CD58: variants seen among roughly 807,000 people sequenced by gnomAD.
CD58 encodes lymphocyte function-associated antigen 3.
In CD58, 14 loss-of-function variants were observed where a neutral mutation model predicts 27.6. That is an observed-to-expected ratio of 0.51 (90% CI 0.34 to 0.79). CD58 has a LOEUF of 0.79. Ranked by LOEUF, CD58 falls within the 30% of genes least tolerant of loss-of-function variation. CD58 has a pLI of 0.02. For missense variants in CD58, 268 were observed against 301.7 expected, an observed-to-expected ratio of 0.89 and a Z score of 0.83; for synonymous variants, 117 against 103.8, an observed-to-expected ratio of 1.13 and a Z score of -0.77.
At chr1:116,560,337 T>C (rs894185258) in intron 1 of CD58, among the ~76,000 whole-genome samples, 6 of 152,184 alleles carry the variant, frequency 3.9e-5, no homozygotes, top group African/African-American at 1.4e-4. Context: ...ATAAGGTTCT[T>C]ACTAGATCGG....
At position 116,518,849 on chromosome 1, in the gene CD58, T is replaced by C. The variant is rs947333520; in HGVS notation, c.743+382A>G. 13 of 1,065,546 alleles carry C rather than the reference T, an allele frequency of 1.2e-5. No homozygotes were observed. The African/African-American group carries it at 1.3e-4, about 11-fold the overall frequency. The allele number at this position is 1,065,546 out of a possible 1,614,324, so 66.0% of individuals were successfully genotyped here. A position where few individuals can be genotyped will look rare whatever the true frequency, so the allele number is the denominator to read the frequency against. On this transcript the variant is annotated intron_variant, in intron 5 of 5. Coordinates refer to ENST00000369489, the MANE Select transcript of CD58 (RefSeq NM_001779.3). Reference sequence around the variant, plus strand: ...TGGGATGGGAGGTGGAGGGAGTGTATTGTAGTGGTTAACAGTATAACTCTT... The same window carrying C: ...TGGGATGGGAGGTGGAGGGAGTGTACTGTAGTGGTTAACAGTATAACTCTT...
At chr1:116,533,596 G>A (rs1321504455) in intron 3 of CD58, 2 of 707,442 alleles carry the variant, frequency 2.8e-6, no homozygotes, top group Non-Finnish European at 5.4e-6. Flanking sequence ...TCTAAAGATG[G>A]TAAACCAGAA....
intron 1 of CD58, among the ~76,000 whole-genome samples, chr1:116,568,907 C>T (rs1659033181): frequency 6.6e-6 from 1 of 152,266 alleles, no homozygotes; most frequent in African/African-American, 2.4e-5. Flanking sequence ...CCTAATGAGG[C>T]AGGCTTGGGT....
chr1:116,544,449 A>G lies in CD58; in HGVS notation c.226T>C (p.Ser76Pro). The change falls in exon 2 of 6, where the codon TCT (serine) becomes CCT (proline). Residue 76 changes from serine to proline, a missense_variant. By Grantham distance (74) the Ser-to-Pro change is moderately conservative. Transcript: ENST00000369489. ...TCTAAATAAACCCTATTTTTAAAAG[A>G]TGAGAAAGCTCTGAATTCAGAATTT... ...LENSEFRAFS[S>P]FKNRVYLDTV... 1 of 1,614,136 alleles carries G rather than the reference A, an allele frequency of 6.2e-7. No homozygotes were observed. Among genetic ancestry groups the G allele is most frequent in the Non-Finnish European group, 8.5e-7 (1 of 1,180,002 alleles).
At chr1:116,533,123 A>G (rs1431178474) in intron 3 of CD58, 5 of 751,728 alleles carry the variant, frequency 6.7e-6, no homozygotes, top group Non-Finnish European at 1.2e-5. Flanking sequence ...GCTCACGGAA[A>G]AAGTGTCCAA....
At chr1:116,565,663 G>C (rs747974396) in intron 1 of CD58, among the ~76,000 whole-genome samples, 3 of 142,956 alleles carry the variant, frequency 2.1e-5, no homozygotes, top group Non-Finnish European at 4.5e-5. Context: ...CCTTGTTTAA[G>C]AAGGGTAGTT....
chr1:116,560,638 A>G (rs1658722549), intron 1 of CD58, among the ~76,000 whole-genome samples: 1 of 152,250 alleles, frequency 6.6e-6, no homozygotes, highest in Non-Finnish European at 1.5e-5. Context: ...TGGTCAGCCC[A>G]GTGGAAATTC....
chr1:116,537,951 T>G (rs769978858), intron 2 of CD58, among the ~76,000 whole-genome samples: 66 of 152,224 alleles, frequency 4.3e-4, no homozygotes, highest in Admixed American at 1.5e-3. Context: ...AAAATGATGT[T>G]TTCTAAGACA....
In CD58 at chr1:116,564,508, G is replaced by A. The variant is rs1658867888; in HGVS notation, c.70+6395C>T. On this transcript the variant is annotated intron_variant, in intron 1 of 5. Coordinates refer to ENST00000369489, the MANE Select transcript of CD58 (RefSeq NM_001779.3). The stretch of plus-strand genomic sequence containing the variant: ...TACCCAAGACTGGGTAATTTATAAA[G>A]GAAAGAAGTTCAATGAACTCACAGT... 3.3e-5 allele frequency among the ~76,000 whole-genome samples: 5 copies of A among 152,170 alleles called. No homozygotes were observed. In the South Asian group the frequency reaches 1.0e-3, roughly 31 times the overall value.
rs966885559 is a variant in CD58, at chr1:116,521,441, G to A, written c.706+465C>T. On this transcript the variant is annotated intron_variant, in intron 4 of 5. Transcript: ENST00000369489. The surrounding 1 kb of genome is among the most constrained non-coding windows in gnomAD (Gnocchi z 5.6). ...GACTGCCCAAGATTGCTAGGGGACT[G>A]AGAAGGCTCAGGAAGTAATACAAGC... Among the ~76,000 whole-genome samples the A allele has an allele frequency of 5.3e-5, 8 of 152,318 alleles. No individual in the cohort carries two copies. The highest frequency in any genetic ancestry group is 1.9e-4 in the African/African-American group (8 of 41,562).
In CD58 at chr1:116,522,688, G is replaced by T. The variant is rs1316870272; in HGVS notation, c.629-705C>A. ...TTTCTAAACAAACTTATATGCACAA[G>T]CTTGATACATTCCAGACCCTGTGTT... On this transcript the variant is annotated intron_variant, in intron 3 of 5. Transcript: ENST00000369489. The surrounding 1 kb of genome is among the most constrained non-coding windows in gnomAD (Gnocchi z 4.6). Among the ~76,000 whole-genome samples, 1 of 152,164 alleles carries T rather than the reference G, an allele frequency of 6.6e-6. No homozygotes were observed. The highest frequency in any genetic ancestry group is 6.5e-5 in the Admixed American group (1 of 15,284).
At position 116,531,396 on chromosome 1, in the gene CD58, C is replaced by A. The variant is rs1198584832; in HGVS notation, c.628+4569G>T. On this transcript the variant is annotated intron_variant, in intron 3 of 5. Coordinates refer to ENST00000369489, the MANE Select transcript of CD58 (RefSeq NM_001779.3). This position sits in a 1 kb window ranked among gnomAD's most constrained non-coding sequence, Gnocchi z 4.5. ...GCTTGCTCTGTCTATATGTGGTCAT[C>A]TTCTTCCCCCTTGTCAGTTAGATGC... Among the ~76,000 whole-genome samples the A allele has an allele frequency of 1.3e-5, 2 of 152,234 alleles. No homozygotes were observed. Among genetic ancestry groups the A allele is most frequent in the Non-Finnish European group, 2.9e-5 (2 of 68,042 alleles).
chr1:116,556,696 C>T (rs574203060), intron 1 of CD58, among the ~76,000 whole-genome samples: 13 of 152,246 alleles, frequency 8.5e-5, no homozygotes, highest in Non-Finnish European at 1.3e-4. Flanking sequence ...AAAAAGAAAA[C>T]GAGCAAACAA....
chr1:116,536,883 T>C lies in CD58; in HGVS notation c.365-655A>G, dbSNP rs1325087185. ...AGCAAAATCGTTTAGCTGCAAATCC[T>C]GACCTGACCTGAATTAACACAAGGA... On this transcript the variant is annotated intron_variant, in intron 2 of 5. Coordinates refer to ENST00000369489, the MANE Select transcript of CD58 (RefSeq NM_001779.3). The surrounding 1 kb of genome is among the most constrained non-coding windows in gnomAD (Gnocchi z 5.4). Among the ~76,000 whole-genome samples, 1 of 152,238 alleles carries C rather than the reference T, an allele frequency of 6.6e-6. No homozygotes were observed. Among genetic ancestry groups the C allele is most frequent in the Non-Finnish European group, 1.5e-5 (1 of 68,040 alleles).
chr1:116,544,966 C>T (rs1658115103), intron 1 of CD58, among the ~76,000 whole-genome samples: 2 of 152,166 alleles, frequency 1.3e-5, no homozygotes, highest in African/African-American at 4.8e-5. Context: ...GGAAGTCATG[C>T]TGGAACTGAC....
At chr1:116,558,010 G>A (rs534939114) in intron 1 of CD58, among the ~76,000 whole-genome samples, 14 of 151,926 alleles carry the variant, frequency 9.2e-5, no homozygotes, top group African/African-American at 2.7e-4. Context: ...TCACTCTTCC[G>A]GGATTTGAAG....
rs779199501 is a variant in CD58, at chr1:116,544,623, T to A, written c.71-19A>T. On this transcript the variant is annotated intron_variant, in intron 1 of 5. Transcript: ENST00000369489. ...ATGAAACCTAGGAGAGAAAAAAAAA[T>A]TGGTTAGAAAAAACAACATGACTTT... 3.3e-6 allele frequency: 5 copies of A among 1,526,986 alleles called. No individual in the cohort carries two copies. The highest frequency in any genetic ancestry group is 2.3e-5 in the East Asian group (1 of 43,952). The allele number at this position is 1,526,986 out of a possible 1,614,324, so 94.6% of individuals were successfully genotyped here. A position where few individuals can be genotyped will look rare whatever the true frequency, so the allele number is the denominator to read the frequency against.
At chr1:116,526,038 G>A (rs1331949643) in intron 3 of CD58, among the ~76,000 whole-genome samples, 1 of 151,986 alleles carries the variant, frequency 6.6e-6, no homozygotes, top group Non-Finnish European at 1.5e-5. Flanking sequence ...TTTTTTAATT[G>A]GGTTGTTTGT....
At position 116,521,697 on chromosome 1, in the gene CD58, T is replaced by C. The variant is rs1657266427; in HGVS notation, c.706+209A>G. 2.1e-6 allele frequency: 1 copy of C among 478,278 alleles called. No homozygotes were observed. The highest frequency in any genetic ancestry group is 3.9e-6 in the Non-Finnish European group (1 of 257,716). The allele number at this position is 478,278 out of a possible 1,614,324, so 29.6% of individuals were successfully genotyped here. On this transcript the variant is annotated intron_variant, in intron 4 of 5. Transcript: ENST00000369489. The surrounding 1 kb of genome is among the most constrained non-coding windows in gnomAD (Gnocchi z 5.6). ...GTTCCCAGGCCTGTAAAGCTCTCTGTGGCCTAAGGATTCATTCTACCTTGA... is the reference window on the plus strand; with the variant it reads ...GTTCCCAGGCCTGTAAAGCTCTCTGCGGCCTAAGGATTCATTCTACCTTGA...
Sources: gnomAD v4.1 joint callset for allele counts (sites outside exome capture counted in the v4.1 genomes callset) on GRCh38, gnomAD v4.1.1 for gene constraint, Gnocchi (gnomAD v3.1) non-coding constraint, MANE v1.5 for transcripts, NCBI Gene and HGNC (gene_info 2026-07-23, HGNC 2026-07-21) for gene names.